The following DIRAS1 variants were observed in gnomAD, a reference collection of about 807,000 sequenced individuals.
The protein encoded by DIRAS1 is DIRAS family GTPase 1, also known as GTP-binding protein Di-Ras1.
Under a neutral mutation model 11.5 loss-of-function variants are expected in DIRAS1, and 3 were observed. That is an observed-to-expected ratio of 0.26 (90% CI 0.12 to 0.67). DIRAS1 has a LOEUF of 0.67. Among genes scored for constraint, DIRAS1 ranks in the 30% least tolerant of loss-of-function variants. The probability of loss-of-function intolerance (pLI) is 0.80; values close to 1 mark genes in which losing one functional copy is unlikely to be tolerated. For synonymous variants in DIRAS1, 128 were observed against 125.8 expected, an observed-to-expected ratio of 1.02 and a Z score of -0.12; for missense variants, 212 against 285.3, an observed-to-expected ratio of 0.74 and a Z score of 1.85.
At chr19:2,719,222 A>G (rs915612562) in intron 1 of DIRAS1, 1 of 152,242 alleles carries the variant, frequency 6.6e-6, no homozygotes, top group Non-Finnish European at 1.5e-5. Context: ...CTGATTCCCA[A>G]TAGCCGCCCC....
rs1299092865 is a variant in DIRAS1, at chr19:2,717,782, G to A, written c.25C>T (p.Arg9Cys). Residue 9 changes from arginine (R) to cysteine (C), a missense_variant, in exon 2 of 2, where the codon CGC becomes TGC. Coordinates refer to ENST00000323469, the MANE Select transcript of DIRAS1 (RefSeq NM_145173.4). ...CCGCCCGCCCCGAACACCACCACGC[G>A]GTAATCGTTACTCTGTTCCGGCATC... MPEQSNDY[R>C]VVVFGAGGVG... 3 of 1,600,894 alleles carry A rather than the reference G, an allele frequency of 1.9e-6. No individual in the cohort carries two copies. Among genetic ancestry groups the A allele is most frequent in the East Asian group, 2.2e-5 (1 of 44,864 alleles).
In DIRAS1 at chr19:2,717,206, G is replaced by C. The variant is rs113069103; in HGVS notation, c.*4C>G. 1 of 1,575,612 alleles carries C rather than the reference G, an allele frequency of 6.3e-7. No individual in the cohort carries two copies. The highest frequency in any genetic ancestry group is 1.3e-5 in the African/African-American group (1 of 74,090). On this transcript the variant is annotated 3_prime_UTR_variant, in exon 2 of 2. Transcript: ENST00000323469. ...TGGGCGGCGGGCAGGCGGGCGTTCC[G>C]GGCTCACATGAGGGTGCATTTGCCC...
At chr19:2,719,514 A>T (rs1012715218) in intron 1 of DIRAS1, among the ~76,000 whole-genome samples, 538 of 13,714 alleles carry the variant, frequency 0.039, 6 homozygotes, top group African/African-American at 0.12. Flanking sequence ...CGCTGGGGGG[A>T]GGGCGGGTGG....
At position 2,717,429 on chromosome 19, in the gene DIRAS1, C is replaced by A. The variant is rs1190181977; in HGVS notation, c.378G>T (p.Thr126=). The part of the protein sequence containing the change: ...VMLVGNKCDE[T]QREVDTREAQ... ...CCTCGCGCGTGTCCACCTCCCGCTG[C>A]GTCTCATCGCACTTGTTGCCCACGA... Residue 126 remains threonine (T), a synonymous_variant, in exon 2 of 2, where the codon ACG becomes ACT. Transcript: ENST00000323469. 2.5e-6 allele frequency: 4 copies of A among 1,608,680 alleles called. No homozygotes were observed. The East Asian group carries it at 8.9e-5, about 36-fold the overall frequency.
Position 2,717,776 on chromosome 19 carries a change from C to T in DIRAS1, c.31G>A (p.Val11Met), listed in dbSNP as rs1389642131. The T allele has an allele frequency of 1.2e-6, 2 of 1,601,626 alleles. No individual in the cohort carries two copies. Reference protein sequence around the residue: MPEQSNDYRVVVFGAGGVGKS... With the variant: MPEQSNDYRVMVFGAGGVGKS... ...CCCACGCCGCCCGCCCCGAACACCA[C>T]CACGCGGTAATCGTTACTCTGTTCC... Residue 11 changes from valine to methionine, a missense_variant, in exon 2 of 2, where the codon GTG becomes ATG. Val to Met is a conservative substitution (Grantham distance 21, BLOSUM62 1). Around this residue, in one of 2 missense-constraint regions of DIRAS1, gnomAD observed 128 missense variants for 205.3 expected, o/e 0.62. Transcript: ENST00000323469.
At position 2,717,634 on chromosome 19, in the gene DIRAS1, T is replaced by C; in HGVS notation, c.173A>G (p.Gln58Arg). 1 of 1,613,300 alleles carries C rather than the reference T, an allele frequency of 6.2e-7. No homozygotes were observed. The highest frequency in any genetic ancestry group is 8.5e-7 in the Non-Finnish European group (1 of 1,180,006). Reference protein sequence around the residue: ...ISCDKSVCTLQITDTTGSHQF... With the variant: ...ISCDKSVCTLRITDTTGSHQF... Reference sequence around the variant, plus strand: ...GTGGCTGCCGGTGGTGTCTGTGATCTGCAGCGTGCACACGCTCTTGTCGCA... The same window carrying C: ...GTGGCTGCCGGTGGTGTCTGTGATCCGCAGCGTGCACACGCTCTTGTCGCA... Residue 58 changes from glutamine (Q) to arginine (R), a missense_variant, in exon 2 of 2, where the codon CAG (glutamine) becomes CGG (arginine). By Grantham distance (43) the Gln-to-Arg change is conservative. Transcript: ENST00000323469.
Position 2,716,825 on chromosome 19 carries a change from G to T in DIRAS1, c.*385C>A. ...TGATCAAATGTGAGGGACAGGACGC[G>T]CAGGTCTGGCTGGGGACACCCCAGG... On this transcript the variant is annotated 3_prime_UTR_variant, in exon 2 of 2. Transcript: ENST00000323469. The T allele has an allele frequency of 4.4e-6, 1 of 224,952 alleles. No homozygotes were observed. The highest frequency in any genetic ancestry group is 8.7e-6 in the Non-Finnish European group (1 of 114,386). The allele number at this position is 224,952 out of a possible 1,614,324, so 13.9% of individuals were successfully genotyped here.
rs1913872054 is a variant in DIRAS1, at chr19:2,718,160, G to A, written c.-69-285C>T. ...GCGTGGGAGACGCCGGGATGCCCAC[G>A]AAACTCCTTCCCCGGGTGTGGGTGT... is the stretch of plus-strand genomic sequence containing the variant. On this transcript the variant is annotated intron_variant, in intron 1 of 1. Transcript: ENST00000323469. This position sits in a 1 kb window ranked among gnomAD's most constrained non-coding sequence, Gnocchi z 4.2. Among the ~76,000 whole-genome samples the A allele has an allele frequency of 3.3e-5, 5 of 152,210 alleles. No individual in the cohort carries two copies. In the South Asian group the frequency reaches 1.0e-3, roughly 32 times the overall value.
rs751412810 is a variant in DIRAS1 at position 2,717,238 on chromosome 19, C to T, written c.569G>A (p.Arg190His). ...KRSGKQKRTD[R>H]VKGKCTLM The stretch of plus-strand genomic sequence containing the variant: ...CATGAGGGTGCATTTGCCCTTGACG[C>T]GGTCTGTCCTCTTCTGCTTCCCGGA... The change falls in exon 2 of 2, where the codon CGC becomes CAC. Residue 190 changes from arginine to histidine, a missense_variant. Around this residue, in one of 2 missense-constraint regions of DIRAS1, gnomAD observed 84 missense variants for 79.9 expected, o/e 1.05. Transcript: ENST00000323469. The T allele has an allele frequency of 1.1e-5, 17 of 1,598,172 alleles. No homozygotes were observed. Among genetic ancestry groups the T allele is most frequent in the African/African-American group, 5.4e-5 (4 of 74,610 alleles).
rs1402190822 is a variant in DIRAS1 at position 2,717,097 on chromosome 19, C to T, written c.*113G>A. The T allele has an allele frequency of 4.1e-6, 5 of 1,212,294 alleles. 1 individual carries two copies. The Admixed American group carries it at 9.7e-5, about 23-fold the overall frequency. 75.1% of individuals were successfully genotyped at this position (1,212,294 alleles called of 1,614,324 possible). A position where few individuals can be genotyped will look rare whatever the true frequency, so the allele number is the denominator to read the frequency against. ...GGGCGGTGGCCTCGGTTTCCCCAGC[C>T]GAGGTGTCGGAGGAAGGATGAGAGA... On this transcript the variant is annotated 3_prime_UTR_variant, in exon 2 of 2. Transcript: ENST00000323469.
chr19:2,715,227 C>T lies in DIRAS1; in HGVS notation c.*1983G>A, dbSNP rs2144677351. On this transcript the variant is annotated 3_prime_UTR_variant, in exon 2 of 2. Coordinates refer to ENST00000323469, the MANE Select transcript of DIRAS1 (RefSeq NM_145173.4). ...CTGTTACCTACATAGTCCCACCTGG[C>T]CACATGACTACAGAGACACATGTGT... 1 of 152,362 alleles carries T rather than the reference C, an allele frequency of 6.6e-6. No homozygotes were observed. The highest frequency in any genetic ancestry group is 1.9e-4 in the East Asian group (1 of 5,188). The allele number at this position is 152,362 out of a possible 1,614,324, so 9.4% of individuals were successfully genotyped here. A position where few individuals can be genotyped will look rare whatever the true frequency, so the allele number is the denominator to read the frequency against.
Position 2,718,478 on chromosome 19 carries a change from C to T in DIRAS1, c.-69-603G>A, listed in dbSNP as rs959112498. Reference sequence around the variant, plus strand: ...GCAGCCCTAGGTGTGATGAATCGGTCGGCCAGGGCAACGGCCCTGGGAACT... The same window carrying T: ...GCAGCCCTAGGTGTGATGAATCGGTTGGCCAGGGCAACGGCCCTGGGAACT... On this transcript the variant is annotated intron_variant, in intron 1 of 1. Coordinates refer to ENST00000323469, the MANE Select transcript of DIRAS1 (RefSeq NM_145173.4). This position sits in a 1 kb window ranked among gnomAD's most constrained non-coding sequence, Gnocchi z 4.2. Among the ~76,000 whole-genome samples the T allele has an allele frequency of 2.0e-5, 3 of 152,210 alleles. No homozygotes were observed. The highest frequency in any genetic ancestry group is 4.4e-5 in the Non-Finnish European group (3 of 68,046).
intron 1 of DIRAS1, 76 bp downstream of exon 1, chr19:2,721,228 A>G (rs1913950161): frequency 6.7e-6 from 1 of 149,868 alleles, no homozygotes; most frequent in Non-Finnish European, 1.5e-5. Context: ...GGCCGGGACA[A>G]AGGAGGGACG....
intron 1 of DIRAS1, 44 bp from the exon 2 acceptor site, chr19:2,717,919 G>T: frequency 8.7e-7 from 1 of 1,150,660 alleles, no homozygotes; most frequent in Non-Finnish European, 1.2e-6. Flanking sequence ...ACCCAGGCTT[G>T]AGGGGACAGC....
intron 1 of DIRAS1, among the ~76,000 whole-genome samples, chr19:2,720,666 G>T (rs1463632108): frequency 6.6e-6 from 1 of 152,238 alleles, no homozygotes; most frequent in Admixed American, 6.5e-5. Flanking sequence ...GGTTGGTGGG[G>T]GCGGGGGTGT....
intron 1 of DIRAS1, among the ~76,000 whole-genome samples, chr19:2,719,670 G>A (rs1913909421): frequency 1.3e-5 from 2 of 151,828 alleles, no homozygotes; most frequent in African/African-American, 4.8e-5. Context: ...TGCACTGGGG[G>A]TGGGGGTGTG....
chr19:2,720,150 C>G (rs188929263), intron 1 of DIRAS1, among the ~76,000 whole-genome samples: 1 of 152,002 alleles, frequency 6.6e-6, no homozygotes, highest in Non-Finnish European at 1.5e-5. Context: ...GGGGGGGAGG[C>G]GGCCTGTGCT....
At chr19:2,719,546 C>T (rs1249258192) in intron 1 of DIRAS1, among the ~76,000 whole-genome samples, 1 of 151,170 alleles carries the variant, frequency 6.6e-6, no homozygotes, top group Non-Finnish European at 1.5e-5. Flanking sequence ...AATTGATGTC[C>T]TCCCCTCCCC....
At chr19:2,720,728 T>C (rs771279592) in intron 1 of DIRAS1, among the ~76,000 whole-genome samples, 5 of 152,034 alleles carry the variant, frequency 3.3e-5, no homozygotes, top group Admixed American at 2.0e-4. Context: ...CCCAGGGGTC[T>C]AGCGGGGGTC....
Sources: allele counts gnomAD v4.1 joint callset (sites outside exome capture counted in the v4.1 genomes callset), GRCh38; gene constraint gnomAD v4.1.1; regional missense constraint gnomAD v4.1.1; non-coding constraint Gnocchi (gnomAD v3.1); transcripts MANE v1.5; gene names NCBI Gene and HGNC (gene_info 2026-07-23, HGNC 2026-07-21).